KCTD1: variants seen among roughly 807,000 people sequenced by gnomAD.
KCTD1 encodes the protein potassium channel tetramerization domain containing 1.
A neutral mutation model predicts 66.0 loss-of-function variants in KCTD1; 24 were observed. The observed-to-expected ratio is 0.36, with a 90% confidence interval of 0.26 to 0.51. The LOEUF is 0.51. Ranked by LOEUF, KCTD1 falls within the 20% of genes least tolerant of loss-of-function variation. The probability of loss-of-function intolerance (pLI) is 0.95; values close to 1 mark genes in which losing one functional copy is unlikely to be tolerated. For missense variants in KCTD1, 943 were observed against 1,205.2 expected (o/e 0.78, Z 3.22); for synonymous variants, 511 against 517.2 (o/e 0.99, Z 0.16).
At chr18:26,536,028 A>G (rs1171185554) in intron 1 of KCTD1, among the ~76,000 whole-genome samples, 1 of 150,846 alleles carries the variant, frequency 6.6e-6, no homozygotes, top group African/African-American at 2.4e-5. Context: ...TGTCTAGCCC[A>G]GTACCTGACA....
In KCTD1 at chr18:26,555,466, A is replaced by C. The variant is rs1308071643; in HGVS notation, c.-15-54216T>G. ...ATAAATAAAAATGAAACAGCCTTTT[A>C]AGAATGCAATTATTAGGCAACGTCT... On this transcript the variant is annotated intron_variant, in intron 1 of 4. Coordinates refer to the KCTD1 transcript ENST00000317932. Among the ~76,000 whole-genome samples the C allele has an allele frequency of 3.9e-5, 6 of 152,256 alleles. No homozygotes were observed. In the East Asian group the frequency reaches 9.6e-4, roughly 24 times the overall value.
intron 1 of KCTD1, among the ~76,000 whole-genome samples, chr18:26,512,228 C>A (rs7226778): frequency 2.0e-5 from 3 of 151,926 alleles, no homozygotes; most frequent in African/African-American, 7.3e-5. Context: ...CTCAGCCTCC[C>A]GAGTAGCTGG....
rs745733313 is a variant in KCTD1, at chr18:26,548,218, G to T, written c.319C>A (p.Pro107Thr). 2.0e-6 allele frequency: 3 copies of T among 1,509,066 alleles called. No individual in the cohort carries two copies. In the South Asian group the frequency reaches 3.7e-5, roughly 19 times the overall value. The allele number at this position is 1,509,066 out of a possible 1,614,324, so 93.5% of individuals were successfully genotyped here. A position where few individuals can be genotyped will look rare whatever the true frequency, so the allele number is the denominator to read the frequency against. ...MGLDWDEPLE[P>T]EDSAGEELEP... is the part of the protein sequence containing the mutation. ...AGCTCCTCCCCGGCCGAGTCCTCGGGCTCCAGGGGCTCGTCCCAGTCCAGC... is the reference window on the plus strand; with the variant it reads ...AGCTCCTCCCCGGCCGAGTCCTCGGTCTCCAGGGGCTCGTCCCAGTCCAGC... The change falls in exon 1 of 5, where the codon CCC becomes ACC. Residue 107 changes from proline (P) to threonine (T), a missense_variant. Around this residue, in one of 10 missense-constraint regions of KCTD1, gnomAD observed 236 missense variants for 206.6 expected, o/e 1.14. Transcript: ENST00000580059.
At chr18:26,603,504 G>A (rs1986944799) in intron 1 of KCTD1, among the ~76,000 whole-genome samples, 1 of 151,850 alleles carries the variant, frequency 6.6e-6, no homozygotes, top group South Asian at 2.1e-4. Flanking sequence ...ACTTTGGGAG[G>A]CCGAGGTGGG....
At chr18:26,570,617 C>G (rs960749505) in intron 1 of KCTD1, among the ~76,000 whole-genome samples, 2 of 152,098 alleles carry the variant, frequency 1.3e-5, no homozygotes, top group African/African-American at 2.4e-5. Flanking sequence ...CACTATGTTT[C>G]CCAGGCTGGT....
intron 1 of KCTD1, among the ~76,000 whole-genome samples, chr18:26,649,633 C>T (rs997927453): frequency 2.0e-5 from 3 of 152,134 alleles, no homozygotes; most frequent in Admixed American, 6.5e-5. Context: ...CCCAGCCTCC[C>T]GAGTAGCTGG....
intron 2 of KCTD1, among the ~76,000 whole-genome samples, chr18:26,490,310 C>T (rs184709902): frequency 6.6e-6 from 1 of 152,294 alleles, no homozygotes; most frequent in East Asian, 1.9e-4. Flanking sequence ...GCAGGTGGAG[C>T]TCAGGAATCT....
chr18:26,550,027 A>ATCCTAACTT (rs1233130422), upstream of KCTD1, among the ~76,000 whole-genome samples: 1 of 151,844 alleles, frequency 6.6e-6, no homozygotes, highest in Admixed American at 6.5e-5. The surrounding 1 kb of genome is among the most constrained non-coding windows in gnomAD (Gnocchi z 5.4). Context: ...CTCGTGCTGC[A>ATCCTAACTT]TCCTAACTTT....
chr18:26,552,085 C>T (rs1985587120), upstream of KCTD1, among the ~76,000 whole-genome samples: 1 of 152,140 alleles, frequency 6.6e-6, no homozygotes, highest in Non-Finnish European at 1.5e-5. Flanking sequence ...CAAGATTCTC[C>T]ACCTTTTGCT....
At chr18:26,651,558 C>T (rs1004010288) in intron 1 of KCTD1, among the ~76,000 whole-genome samples, 8 of 151,774 alleles carry the variant, frequency 5.3e-5, no homozygotes, top group African/African-American at 1.5e-4. Context: ...CCGAGGTGGG[C>T]GGATCACTTG....
intron 1 of KCTD1, among the ~76,000 whole-genome samples, chr18:26,532,856 G>A (rs183570693): frequency 6.3e-4 from 96 of 152,304 alleles, no homozygotes; most frequent in African/African-American, 2.0e-3. Flanking sequence ...GGTTTTATTA[G>A]TTTTCCTGTC....
chr18:26,643,499 T>C (rs192547234), upstream of KCTD1, among the ~76,000 whole-genome samples: 4 of 152,272 alleles, frequency 2.6e-5, no homozygotes, highest in East Asian at 1.9e-4. Flanking sequence ...AGTAGAGCCA[T>C]GGTGGAGACT....
chr18:26,653,887 G>A (rs1018841890), intron 1 of KCTD1, among the ~76,000 whole-genome samples: 1 of 152,132 alleles, frequency 6.6e-6, no homozygotes, highest in Non-Finnish European at 1.5e-5. Context: ...AAGATAGTTC[G>A]TCCTAAAGAT....
chr18:26,516,215 G>A (rs767871483), intron 1 of KCTD1, among the ~76,000 whole-genome samples: 1 of 152,140 alleles, frequency 6.6e-6, no homozygotes, highest in Non-Finnish European at 1.5e-5. Flanking sequence ...AGGGGTGTGT[G>A]TTGGGAAGGA....
rs911965471 is a variant in KCTD1, at chr18:26,547,072, G to C, written c.1465C>G (p.Arg489Gly). 2 of 1,531,360 alleles carry C rather than the reference G, an allele frequency of 1.3e-6. No homozygotes were observed. The highest frequency in any genetic ancestry group is 8.8e-7 in the Non-Finnish European group (1 of 1,140,152). 94.9% of individuals were successfully genotyped at this position (1,531,360 alleles called of 1,614,324 possible). Residue 489 changes from arginine (R) to glycine (G), a missense_variant, in exon 1 of 5, where the codon CGG (arginine) becomes GGG (glycine). Arg to Gly is a moderately radical substitution (Grantham distance 125, BLOSUM62 -2). Transcript: ENST00000580059. ...CYAEALNGAA[R>G]HHSHHPPTHP... is the part of the protein sequence containing the mutation. The stretch of plus-strand genomic sequence containing the variant: ...GTGGGGGGGTGGTGGGAGTGGTGCC[G>C]TGCCGCCCCGTTCAGAGCCTCGGCG...
chr18:26,493,226 T>C (rs965235170), intron 2 of KCTD1, among the ~76,000 whole-genome samples: 4 of 152,200 alleles, frequency 2.6e-5, no homozygotes, highest in African/African-American at 4.8e-5. Flanking sequence ...GTATGACTCA[T>C]CTGGCCATCA....
chr18:26,455,882 T>C lies in KCTD1; in HGVS notation c.2459A>G (p.Gln820Arg), dbSNP rs769654229. ...GGAGCCCACGATTTCAAATCCTCTT[T>C]GCTGCAACCTCTCGAGGACCTGCGA... Reference protein sequence around the residue: ...NSVQVLERLQQRGFEIVGSCG... With the variant: ...NSVQVLERLQRRGFEIVGSCG... The change falls in exon 5 of 5, where the codon CAA (glutamine) becomes CGA (arginine). Residue 820 changes from glutamine to arginine, a missense_variant. Gln to Arg is a conservative substitution (Grantham distance 43). Around this residue, in one of 10 missense-constraint regions of KCTD1, gnomAD observed 162 missense variants for 232.4 expected, o/e 0.70. Coordinates refer to ENST00000580059, the MANE Select transcript of KCTD1 (RefSeq NM_001142730.3). The C allele has an allele frequency of 2.7e-5, 43 of 1,613,806 alleles. No homozygotes were observed. The highest frequency in any genetic ancestry group is 3.6e-5 in the Non-Finnish European group (42 of 1,179,800).
At chr18:26,493,965 G>T (rs978029221) in intron 2 of KCTD1, among the ~76,000 whole-genome samples, 2 of 152,162 alleles carry the variant, frequency 1.3e-5, no homozygotes, top group African/African-American at 4.8e-5. Flanking sequence ...TGGTTTACTT[G>T]TTTACTGGCT....
At chr18:26,600,083 C>T in intron 1 of KCTD1, 3 of 1,610,922 alleles carry the variant, frequency 1.9e-6, no homozygotes, top group Non-Finnish European at 2.5e-6. Flanking sequence ...TTGAAGAAGC[C>T]AGATCCGGCT....
Sources: gnomAD v4.1 joint callset for allele counts (sites outside exome capture counted in the v4.1 genomes callset) on GRCh38, gnomAD v4.1.1 for gene constraint, gnomAD v4.1.1 regional missense constraint, Gnocchi (gnomAD v3.1) non-coding constraint, MANE v1.5 for transcripts, NCBI Gene and HGNC (gene_info 2026-07-23, HGNC 2026-07-21) for gene names.